ICA1: variants seen among roughly 807,000 people sequenced by gnomAD.
The protein encoded by ICA1 is islet cell autoantigen 1.
ICA1 carries 40 observed loss-of-function variants against 71.0 expected under a neutral mutation model. The observed-to-expected ratio is 0.56, with a 90% CI of 0.44 to 0.73. The LOEUF (loss-of-function observed/expected upper bound fraction) is 0.73, where lower values mean the gene tolerates loss of function less well. Ranked by LOEUF, ICA1 falls within the 30% of genes least tolerant of loss-of-function variation. The probability of loss-of-function intolerance (pLI) is 0.00; values close to 1 mark genes in which losing one functional copy is unlikely to be tolerated. For missense variants in ICA1, 578 were observed against 576.5 expected, an observed-to-expected ratio of 1.00 and a Z score of -0.03; for synonymous variants, 207 against 209.5, an observed-to-expected ratio of 0.99 and a Z score of 0.10.
At chr7:8,191,508 T>A (rs1785634226) in intron 6 of ICA1, among the ~76,000 whole-genome samples, 1 of 152,202 alleles carries the variant, frequency 6.6e-6, no homozygotes, top group South Asian at 2.1e-4. Context: ...TAGATGATTT[T>A]GCCCCACTGT....
At chr7:8,250,808 G>T (rs1339116907) in intron 1 of ICA1, among the ~76,000 whole-genome samples, 2 of 152,134 alleles carry the variant, frequency 1.3e-5, no homozygotes, top group Admixed American at 1.3e-4. Context: ...GTAGCTAAAA[G>T]GTGAGTTTTT....
chr7:8,257,055 G>A (rs1191278753), intron 1 of ICA1, among the ~76,000 whole-genome samples: 1 of 152,138 alleles, frequency 6.6e-6, no homozygotes. Flanking sequence ...CTCTACTCTT[G>A]GATGAAAGGA....
intron 8 of ICA1, among the ~76,000 whole-genome samples, chr7:8,153,083 CACA>C (rs550194052): frequency 1.4e-4 from 21 of 152,330 alleles, no homozygotes; most frequent in Middle Eastern, 6.8e-3. Flanking sequence ...CTACCACTTT[CACA>C]ACCACTCACG....
At chr7:8,138,960 A>G (rs750476776) in intron 11 of ICA1, 25 bp downstream of exon 11, 1 of 1,603,836 alleles carries the variant, frequency 6.2e-7, no homozygotes, top group South Asian at 1.1e-5. Flanking sequence ...ATTAAAATTG[A>G]GTAGTTTTCC....
chr7:8,188,477 C>A (rs1784559669), intron 6 of ICA1, among the ~76,000 whole-genome samples: 1 of 152,170 alleles, frequency 6.6e-6, no homozygotes, highest in Non-Finnish European at 1.5e-5. Context: ...AGTCAAGATT[C>A]CAACCTGAAC....
chr7:8,232,704 T>C lies in ICA1; in HGVS notation c.69A>G (p.Val23=). Residue 23 remains valine (V), a synonymous_variant, in exon 3 of 14, where the codon GTA becomes GTG. Transcript: ENST00000402384. ...CCCAATATTTCTGTTGCATCTTATT[T>C]ACAACTGACTTATCTTGAGCATATC... ...QDRYAQDKSV[V]NKMQQKYWET... 1 of 1,612,360 alleles carries C rather than the reference T, an allele frequency of 6.2e-7. No homozygotes were observed. Among genetic ancestry groups the C allele is most frequent in the South Asian group, 1.1e-5 (1 of 90,528 alleles).
intron 1 of ICA1, among the ~76,000 whole-genome samples, chr7:8,239,049 A>G (rs1802815570): frequency 6.6e-6 from 1 of 152,216 alleles, no homozygotes; most frequent in Non-Finnish European, 1.5e-5. Context: ...CTACTGGATC[A>G]TAGGCACAGG....
At chr7:8,129,178 A>G (rs999081469) in intron 12 of ICA1, among the ~76,000 whole-genome samples, 2 of 152,162 alleles carry the variant, frequency 1.3e-5, no homozygotes, top group African/African-American at 4.8e-5. Context: ...GGTGTTATCA[A>G]CTGTGGCTTT....
chr7:8,183,417 C>T (rs1782865006), intron 6 of ICA1, among the ~76,000 whole-genome samples: 1 of 152,186 alleles, frequency 6.6e-6, no homozygotes, highest in South Asian at 2.1e-4. Context: ...GAGATACACA[C>T]ATACTGATGT....
chr7:8,178,631 G>A (rs1252963566), intron 6 of ICA1, among the ~76,000 whole-genome samples: 2 of 151,534 alleles, frequency 1.3e-5, no homozygotes, highest in Non-Finnish European at 2.9e-5. Flanking sequence ...TGCCAAGAAG[G>A]AAGCTTGTCC....
intron 8 of ICA1, among the ~76,000 whole-genome samples, chr7:8,147,811 T>G (rs1797549566): frequency 6.6e-6 from 1 of 151,966 alleles, no homozygotes; most frequent in Admixed American, 6.6e-5. Flanking sequence ...AGTAGGTCCT[T>G]GAATAATGTC....
intron 6 of ICA1, among the ~76,000 whole-genome samples, chr7:8,211,483 G>A (rs1052566688): frequency 2.6e-5 from 4 of 152,158 alleles, no homozygotes; most frequent in African/African-American, 9.7e-5. Flanking sequence ...ATTCTACTCT[G>A]AGTACCATGG....
At chr7:8,256,776 G>C (rs1322632340) in intron 1 of ICA1, among the ~76,000 whole-genome samples, 1 of 152,138 alleles carries the variant, frequency 6.6e-6, no homozygotes, top group Non-Finnish European at 1.5e-5. Flanking sequence ...TGCCTCCTTA[G>C]CACCAAGCAT....
At chr7:8,124,787 ATT>A (rs35742614) in intron 13 of ICA1, among the ~76,000 whole-genome samples, 191 of 146,742 alleles carry the variant, frequency 1.3e-3, no homozygotes, top group African/African-American at 4.4e-3. Context: ...TTAACTCAAC[ATT>A]TTTTTTTTTT....
At chr7:8,153,769 C>T (rs6463772) in intron 8 of ICA1, among the ~76,000 whole-genome samples, 109,948 of 150,582 alleles carry the variant, frequency 0.73, 40,907 homozygotes, top group Middle Eastern at 0.84. Flanking sequence ...ATTTCTACCA[C>T]GTGAAAGATA....
intron 1 of ICA1, among the ~76,000 whole-genome samples, chr7:8,256,072 G>A (rs1810049259): frequency 1.3e-5 from 2 of 152,016 alleles, no homozygotes; most frequent in Non-Finnish European, 2.9e-5. Flanking sequence ...ACCACACCCA[G>A]CCTCTTTCAT....
chr7:8,133,865 T>TG (rs1327547608), intron 12 of ICA1, among the ~76,000 whole-genome samples: 3 of 150,770 alleles, frequency 2.0e-5, no homozygotes, highest in Non-Finnish European at 4.4e-5. Context: ...TTTTTTTTTT[T>TG]TGCAACCAAT....
At chr7:8,258,884 G>A (rs1563240403) in intron 1 of ICA1, among the ~76,000 whole-genome samples, 1 of 152,238 alleles carries the variant, frequency 6.6e-6, no homozygotes, top group Admixed American at 6.5e-5. Flanking sequence ...CATGCCTGCA[G>A]TCCTTATCAG....
intron 1 of ICA1, among the ~76,000 whole-genome samples, chr7:8,257,182 A>G (rs1810510554): frequency 1.3e-5 from 2 of 152,330 alleles, no homozygotes; most frequent in South Asian, 4.1e-4. Context: ...AAAACCTGCA[A>G]TTGCTGATTG....
Sources: gnomAD v4.1 joint callset for allele counts (sites outside exome capture counted in the v4.1 genomes callset) on GRCh38, gnomAD v4.1.1 for gene constraint, MANE v1.5 for transcripts, NCBI Gene and HGNC (gene_info 2026-07-23, HGNC 2026-07-21) for gene names.